UBR4: variants seen among roughly 807,000 people sequenced by gnomAD.
The protein encoded by UBR4 is ubiquitin protein ligase E3 component n-recognin 4.
A neutral mutation model predicts 575.6 loss-of-function variants in UBR4; 124 were observed. The observed-to-expected ratio is 0.22, with a 90% confidence interval of 0.19 to 0.25. The LOEUF (loss-of-function observed/expected upper bound fraction) is 0.25, where lower values mean the gene tolerates loss of function less well. Ranked by LOEUF, UBR4 falls within the 10% of genes least tolerant of loss-of-function variation. The pLI is 1.00. For synonymous variants in UBR4, 2,455 were observed against 2,473.7 expected (o/e 0.99, Z 0.22); for missense variants, 4,818 against 6,478.8 (o/e 0.74, Z 8.80).
intron 43 of UBR4, 84 bp downstream of exon 43, chr1:19,155,357 T>C: frequency 7.2e-7 from 1 of 1,385,644 alleles, no homozygotes; most frequent in Non-Finnish European, 9.9e-7. Flanking sequence ...AGAAAAATGT[T>C]ATAAAAGAAC....
rs1570390871 is a variant in UBR4, at chr1:19,095,150, G to A, written c.13627-125C>T. ...AGAGACCATGTGTGTATGACCGTGT[G>A]TATGTATGTGCGTGTATATGCATGT... On this transcript the variant is annotated intron_variant, in intron 93 of 105. Coordinates refer to ENST00000375254, the MANE Select transcript of UBR4 (RefSeq NM_020765.3). 12 of 1,390,148 alleles carry A rather than the reference G, an allele frequency of 8.6e-6. No homozygotes were observed. The South Asian group carries it at 1.0e-4, about 12-fold the overall frequency. 86.1% of individuals were successfully genotyped at this position (1,390,148 alleles called of 1,614,324 possible).
intron 41 of UBR4, 38 bp downstream of exon 41, chr1:19,156,729 A>G (rs2086514647): frequency 6.3e-7 from 1 of 1,590,524 alleles, no homozygotes; most frequent in Non-Finnish European, 8.6e-7. Flanking sequence ...ACTAGAATCC[A>G]CAGCTCAAGG....
In UBR4 at chr1:19,141,375, A is replaced by T. The variant is rs1180168521; in HGVS notation, c.8460T>A (p.Ile2820=). 1.2e-6 allele frequency: 2 copies of T among 1,614,218 alleles called. No homozygotes were observed. The highest frequency in any genetic ancestry group is 1.1e-5 in the South Asian group (1 of 91,090). The change falls in exon 57 of 106, where the codon ATT becomes ATA. Residue 2820 remains isoleucine, a synonymous_variant. Coordinates refer to ENST00000375254, the MANE Select transcript of UBR4 (RefSeq NM_020765.3). ...GTTGGTCCTGCTGCAGGCTCAGGGC[A>T]ATGGCTAGTTCAACCATGGTCTCGT... ...ADDETMVELA[I]ALSLQQDQQG...
At chr1:19,078,575 G>GTTT (rs1407429037) in intron 103 of UBR4, 2 of 157,192 alleles carry the variant, frequency 1.3e-5, no homozygotes, top group Non-Finnish European at 2.8e-5. Context: ...CATGTGCTGT[G>GTTT]TTAAATGGCA....
At chr1:19,130,163 C>A (rs2082263877) in intron 60 of UBR4, among the ~76,000 whole-genome samples, 1 of 152,160 alleles carries the variant, frequency 6.6e-6, no homozygotes, top group Admixed American at 6.5e-5. Context: ...ATGCAGTGAG[C>A]TATGATCATA....
At position 19,185,296 on chromosome 1, in the gene UBR4, G is replaced by C. The variant is rs1557955811; in HGVS notation, c.1751-10C>G. On this transcript the variant is annotated splice_polypyrimidine_tract_variant and intron_variant, in intron 14 of 105. Transcript: ENST00000375254. ...GGCTCACTGTCATCGTCTGAATAGA[G>C]AAAGATAAAGTAACGAAAATAAATA... The C allele has an allele frequency of 6.6e-7, 1 of 1,520,260 alleles. No individual in the cohort carries two copies. Among genetic ancestry groups the C allele is most frequent in the Admixed American group, 2.4e-5 (1 of 41,700 alleles). 94.2% of individuals were successfully genotyped at this position (1,520,260 alleles called of 1,614,324 possible).
Position 19,138,058 on chromosome 1 carries a change from G to C in UBR4, c.8855C>G (p.Ser2952Cys). ...TTTGHQEGDG[S>C]EGEGEGETEG... ...AGTTTCTCCTTCTCCTTCTCCCTCGGAGCCATCTCCCTCCTGGTGCCCAGT... is the reference window on the plus strand; with the variant it reads ...AGTTTCTCCTTCTCCTTCTCCCTCGCAGCCATCTCCCTCCTGGTGCCCAGT... Residue 2952 changes from serine to cysteine, a missense_variant, in exon 60 of 106, where the codon TCC (serine) becomes TGC (cysteine). Ser to Cys is a moderately radical substitution (Grantham distance 112). This residue lies in a region of UBR4 where 87 missense variants were observed against 82.8 expected (regional missense o/e 1.05). Transcript: ENST00000375254. The C allele has an allele frequency of 6.3e-7, 1 of 1,590,748 alleles. No homozygotes were observed. The highest frequency in any genetic ancestry group is 1.1e-5 in the South Asian group (1 of 87,464).
Position 19,126,456 on chromosome 1 carries a change from T to A in UBR4, c.9428A>T (p.Gln3143Leu), listed in dbSNP as rs768717741. Residue 3143 changes from glutamine (Q) to leucine (L), a missense_variant, in exon 64 of 106, where the codon CAG becomes CTG. Transcript: ENST00000375254. ...AGGGAAAGATCTCACCTTCACATACTGGCGGAGAAAGAATGGGCTCATGTC... is the reference window on the plus strand; with the variant it reads ...AGGGAAAGATCTCACCTTCACATACAGGCGGAGAAAGAATGGGCTCATGTC... Reference protein sequence around the residue: ...PPDMSPFFLRQYVKGHAADVF... With the variant: ...PPDMSPFFLRLYVKGHAADVF... 1 of 1,614,134 alleles carries A rather than the reference T, an allele frequency of 6.2e-7. No individual in the cohort carries two copies. The highest frequency in any genetic ancestry group is 1.1e-5 in the South Asian group (1 of 91,084).
In UBR4 at chr1:19,164,137, C is replaced by A. The variant is rs1006499549; in HGVS notation, c.4700+116G>T. Reference sequence around the variant, plus strand: ...ATTTGCTACCCACCCAACTCCCAAACTCCAATGAAAGGGTAGAGATTCAAA... The same window carrying A: ...ATTTGCTACCCACCCAACTCCCAAAATCCAATGAAAGGGTAGAGATTCAAA... On this transcript the variant is annotated intron_variant, in intron 33 of 105. Transcript: ENST00000375254. 3.9e-6 allele frequency: 5 copies of A among 1,275,036 alleles called. No individual in the cohort carries two copies. The South Asian group carries it at 4.8e-5, about 12-fold the overall frequency. 79.0% of individuals were successfully genotyped at this position (1,275,036 alleles called of 1,614,324 possible).
rs369976219 is a variant in UBR4 at position 19,187,228 on chromosome 1, C to T, written c.1568G>A (p.Arg523Gln). 3.5e-5 allele frequency: 56 copies of T among 1,613,720 alleles called. No individual in the cohort carries two copies. The highest frequency in any genetic ancestry group is 4.5e-5 in the East Asian group (2 of 44,862). ...CATCAGTGGGACAGAGTCAATCAGC[C>T]GTTGAATCCTCTGTATGGAGGTGCT... ...AQSTSIQRIQ[R>Q]LIDSVPLMNL... Residue 523 changes from arginine to glutamine, a missense_variant, in exon 13 of 106, where the codon CGG becomes CAG. Arg to Gln is a conservative substitution (Grantham distance 43). Transcript: ENST00000375254.
At chr1:19,128,416 C>T in intron 61 of UBR4, 98 bp from the exon 62 acceptor site, 1 of 984,796 alleles carries the variant, frequency 1.0e-6, no homozygotes, top group Non-Finnish European at 1.6e-6. Context: ...TTCCTGACAT[C>T]CCTATCAATC....
chr1:19,105,816 G>A lies in UBR4; in HGVS notation c.12420C>T (p.Ala4140=), dbSNP rs377333696. Residue 4140 remains alanine, a synonymous_variant, in exon 84 of 106, where the codon GCC becomes GCT. Transcript: ENST00000375254. The part of the protein sequence containing the change: ...RQVLFTPATQ[A]ARQAACTIVE... ...CAATGGTACAGGCTGCCTGCCGTGC[G>A]GCCTGCGTTGCTGGAGTGAAAAGCA... 4.0e-5 allele frequency: 65 copies of A among 1,606,216 alleles called. No homozygotes were observed. In the East Asian group the frequency reaches 4.3e-4, roughly 11 times the overall value.
rs768990858 is a variant in UBR4, at chr1:19,177,596, G to T, written c.2502C>A (p.Val834=). The change falls in exon 19 of 106, where the codon GTC becomes GTA. Residue 834 remains valine, a synonymous_variant. Coordinates refer to ENST00000375254, the MANE Select transcript of UBR4 (RefSeq NM_020765.3). ...TGACGCTCAACTCCTGGATGATCTG[G>T]ACAAAAAGCGACAATATGGCCCGCC... The part of the protein sequence containing the change: ...TGRRAILSLF[V]QIIQELSVNM... 6.2e-7 allele frequency: 1 copy of T among 1,613,008 alleles called. No individual in the cohort carries two copies. The highest frequency in any genetic ancestry group is 8.5e-7 in the Non-Finnish European group (1 of 1,179,886).
At chr1:19,147,893 C>T (rs2150173615) in intron 51 of UBR4, 100 bp downstream of exon 51, 1 of 1,510,024 alleles carries the variant, frequency 6.6e-7, no homozygotes, top group South Asian at 1.3e-5. Flanking sequence ...TGCTATCCTC[C>T]CTCTACCTTA....
At chr1:19,185,344 C>T in intron 14 of UBR4, 58 bp from the exon 15 acceptor site, 4 of 1,470,118 alleles carry the variant, frequency 2.7e-6, no homozygotes, top group Non-Finnish European at 3.6e-6. Flanking sequence ...GTTTTTGGTG[C>T]ATCTGCTTCC....
At chr1:19,170,638 G>T (rs947150073) in intron 26 of UBR4, 124 bp downstream of exon 26, 53 of 1,314,998 alleles carry the variant, frequency 4.0e-5, no homozygotes, top group Non-Finnish European at 5.5e-5. Context: ...CTACCTAAAT[G>T]CTTGATACAC....
intron 75 of UBR4, 81 bp downstream of exon 75, chr1:19,114,730 A>G: frequency 1.3e-6 from 2 of 1,538,572 alleles, no homozygotes; most frequent in Non-Finnish European, 1.8e-6. Flanking sequence ...GCTAGAAAGT[A>G]AAGTGCACTG....
rs763117665 is a variant in UBR4 at position 19,153,789 on chromosome 1, C to T, written c.6609G>A (p.Lys2203=). The T allele has an allele frequency of 1.2e-5, 19 of 1,613,994 alleles. 1 individual carries two copies. The Middle Eastern group carries it at 6.6e-4, about 56-fold the overall frequency. ...TGACCTTCGCTTTAGCAGGAAGAGTCTTAATCTCCTGGATAAGAAAAGTGT... is the reference window on the plus strand; with the variant it reads ...TGACCTTCGCTTTAGCAGGAAGAGTTTTAATCTCCTGGATAAGAAAAGTGT... ...KPDTFLIQEI[K]TLPAKAKIQD... is the part of the protein sequence containing the mutation. The change falls in exon 45 of 106, where the codon AAG becomes AAA. Residue 2203 remains lysine (K), a synonymous_variant. Transcript: ENST00000375254. This position sits in a 1 kb window ranked among gnomAD's most constrained non-coding sequence, Gnocchi z 4.1.
In UBR4 at chr1:19,139,017, G is replaced by A; in HGVS notation, c.8731+66C>T. The A allele has an allele frequency of 6.6e-7, 1 of 1,510,518 alleles. No individual in the cohort carries two copies. 93.6% of individuals were successfully genotyped at this position (1,510,518 alleles called of 1,614,324 possible). ...TGCAAAAACCAACCCCAAGACCCAA[G>A]CAGAGATTCCTGTTTTGTCCCCACC... On this transcript the variant is annotated intron_variant, in intron 59 of 105. Coordinates refer to ENST00000375254, the MANE Select transcript of UBR4 (RefSeq NM_020765.3). This position sits in a 1 kb window ranked among gnomAD's most constrained non-coding sequence, Gnocchi z 4.2.
Sources: allele counts gnomAD v4.1 joint callset (sites outside exome capture counted in the v4.1 genomes callset), GRCh38; gene constraint gnomAD v4.1.1; regional missense constraint gnomAD v4.1.1; non-coding constraint Gnocchi (gnomAD v3.1); transcripts MANE v1.5; gene names NCBI Gene and HGNC (gene_info 2026-07-23, HGNC 2026-07-21).